RAD54B: variants seen among roughly 807,000 people sequenced by gnomAD.
RAD54B encodes RAD54 homolog B, also known as DNA repair and recombination protein RAD54B.
A neutral mutation model predicts 95.8 loss-of-function variants in RAD54B; 78 were observed. The observed-to-expected ratio is 0.81, with a 90% CI of 0.68 to 0.98. The LOEUF is 0.98. RAD54B is among the 50% of genes least tolerant of loss of function. The pLI, the probability that RAD54B is intolerant of heterozygous loss-of-function variation, is 0.00. For missense variants in RAD54B, 957 were observed against 1,056.6 expected, an observed-to-expected ratio of 0.91 and a Z score of 1.31; for synonymous variants, 328 against 354.9, an observed-to-expected ratio of 0.92 and a Z score of 0.85.
chr8:94,396,151 A>C (rs1304024122), intron 8 of RAD54B, among the ~76,000 whole-genome samples: 1 of 152,150 alleles, frequency 6.6e-6, no homozygotes, highest in African/African-American at 2.4e-5. Flanking sequence ...CCAATTGTAT[A>C]GTATAGCATC....
chr8:94,433,328 C>T (rs1426586082), intron 3 of RAD54B, among the ~76,000 whole-genome samples: 1 of 151,942 alleles, frequency 6.6e-6, no homozygotes, highest in Non-Finnish European at 1.5e-5. Context: ...GTCTTTCAAT[C>T]ACTGGTCAGG....
chr8:94,414,469 T>C (rs1811605205), intron 3 of RAD54B, among the ~76,000 whole-genome samples: 1 of 152,196 alleles, frequency 6.6e-6, no homozygotes, highest in Non-Finnish European at 1.5e-5. Flanking sequence ...GGGTTTGTCA[T>C]AGATAGCTCT....
In RAD54B at chr8:94,430,061, C is replaced by T. The variant is rs529067174; in HGVS notation, c.305-18746G>A. 1.6e-3 allele frequency: 1,537 copies of T among 977,716 alleles called. 2 individuals are homozygous for T. Among genetic ancestry groups the T allele is most frequent in the Non-Finnish European group, 1.7e-3 (1,432 of 823,044 alleles). The allele number at this position is 977,716 out of a possible 1,614,324, so 60.6% of individuals were successfully genotyped here. ...GGGCACGGTGGCTCAAGCCTGTAATCCCAGCACTTTGGGAGGCCGAGGCGG... is the reference window on the plus strand; with the variant it reads ...GGGCACGGTGGCTCAAGCCTGTAATTCCAGCACTTTGGGAGGCCGAGGCGG... On this transcript the variant is annotated intron_variant, in intron 3 of 14. Transcript: ENST00000336148.
intron 3 of RAD54B, chr8:94,431,918 A>G: frequency 8.1e-7 from 1 of 1,229,660 alleles, no homozygotes; most frequent in Non-Finnish European, 1.0e-6. Flanking sequence ...TAGGGAAAAA[A>G]AAAAGAAGAC....
intron 3 of RAD54B, among the ~76,000 whole-genome samples, chr8:94,455,971 A>G (rs1415336651): frequency 6.6e-6 from 1 of 152,206 alleles, no homozygotes; most frequent in Non-Finnish European, 1.5e-5. Flanking sequence ...GGACTTTAAC[A>G]TATATCTTTA....
At chr8:94,430,659 A>G (rs1812069176) in intron 3 of RAD54B, 1 of 711,334 alleles carries the variant, frequency 1.4e-6, no homozygotes. Context: ...CACAAAGTGG[A>G]AGCCCAATGG....
chr8:94,412,311 CT>C (rs1811548901), intron 3 of RAD54B, among the ~76,000 whole-genome samples: 1 of 151,854 alleles, frequency 6.6e-6, no homozygotes, highest in Admixed American at 6.6e-5. Flanking sequence ...ATCTTGGCTA[CT>C]GTGAAAAATA....
At chr8:94,425,411 G>A (rs542936718) in intron 3 of RAD54B, among the ~76,000 whole-genome samples, 4 of 151,620 alleles carry the variant, frequency 2.6e-5, no homozygotes, top group Non-Finnish European at 4.4e-5. Flanking sequence ...TGGCACAAAT[G>A]AAAATTTAAA....
intron 3 of RAD54B, among the ~76,000 whole-genome samples, chr8:94,438,506 C>G (rs1812324259): frequency 1.3e-5 from 2 of 152,276 alleles, no homozygotes; most frequent in African/African-American, 4.8e-5. Flanking sequence ...TACTCAAAAT[C>G]ATTCTAGCAT....
intron 3 of RAD54B, chr8:94,432,779 TA>T (rs936318996): frequency 1.1e-4 from 133 of 1,233,870 alleles, no homozygotes; most frequent in Non-Finnish European, 1.2e-4. Flanking sequence ...AGTTACAAAA[TA>T]AAAAAAAATC....
intron 3 of RAD54B, among the ~76,000 whole-genome samples, chr8:94,424,258 A>G (rs987311351): frequency 1.3e-5 from 2 of 152,218 alleles, no homozygotes; most frequent in Non-Finnish European, 2.9e-5. Context: ...TACTAGCTCT[A>G]TGACCCTATA....
rs761687745 is a variant in RAD54B at position 94,411,118 on chromosome 8, T to C, written c.499+3A>G. On this transcript the variant is annotated splice_donor_region_variant and intron_variant, in intron 4 of 14. Transcript: ENST00000336148. ...CTGTAAACATTAGGTAGTATCATAATACCTCTTCCAATGTCTTTGCCTTCC... is the reference window on the plus strand; with the variant it reads ...CTGTAAACATTAGGTAGTATCATAACACCTCTTCCAATGTCTTTGCCTTCC... 1.0e-5 allele frequency: 16 copies of C among 1,595,884 alleles called. No homozygotes were observed. In the East Asian group the frequency reaches 3.1e-4, roughly 31 times the overall value.
Position 94,391,910 on chromosome 8 carries a change from A to C in RAD54B, c.1519-11T>G, listed in dbSNP as rs1811033500. Reference sequence around the variant, plus strand: ...TAACTCCTTTTCTTCCTATGGAAAAATAGCAGACTTAAATGAAAGTGTTAT... The same window carrying C: ...TAACTCCTTTTCTTCCTATGGAAAACTAGCAGACTTAAATGAAAGTGTTAT... On this transcript the variant is annotated splice_polypyrimidine_tract_variant and intron_variant, in intron 9 of 14. Coordinates refer to ENST00000336148, the MANE Select transcript of RAD54B (RefSeq NM_012415.3). The C allele has an allele frequency of 3.8e-6, 6 of 1,587,112 alleles. No individual in the cohort carries two copies. The highest frequency in any genetic ancestry group is 5.1e-6 in the Non-Finnish European group (6 of 1,170,758).
At chr8:94,398,128 C>T (rs2470736) in intron 8 of RAD54B, among the ~76,000 whole-genome samples, 133,701 of 152,036 alleles carry the variant, frequency 0.88, 59,669 homozygotes, top group Non-Finnish European at 0.96. Context: ...TTCACTATTA[C>T]TGACAAACAT....
At chr8:94,372,719 C>A (rs2515101) in intron 14 of RAD54B, among the ~76,000 whole-genome samples, 2 of 152,100 alleles carry the variant, frequency 1.3e-5, no homozygotes, top group East Asian at 3.9e-4. Context: ...TGTGGGGCCA[C>A]GTTTACAAAT....
At chr8:94,458,203 T>A (rs939226153) in intron 3 of RAD54B, 65 bp downstream of exon 3, 212 of 1,354,612 alleles carry the variant, frequency 1.6e-4, no homozygotes, top group Non-Finnish European at 2.0e-4. Context: ...TCTTAAAACA[T>A]CATTTAAAGA....
intron 14 of RAD54B, among the ~76,000 whole-genome samples, chr8:94,377,596 C>T (rs1014102656): frequency 1.4e-5 from 2 of 140,514 alleles, no homozygotes; most frequent in Non-Finnish European, 3.1e-5. Context: ...AACTCCAAAG[C>T]CATTACACCA....
intron 14 of RAD54B, among the ~76,000 whole-genome samples, chr8:94,375,924 G>A (rs1810557061): frequency 1.3e-5 from 2 of 151,882 alleles, no homozygotes; most frequent in Admixed American, 1.3e-4. Context: ...AGAGTAGGAG[G>A]TAGAGTAGGA....
chr8:94,424,513 T>G (rs1811895578), intron 3 of RAD54B, among the ~76,000 whole-genome samples: 1 of 152,116 alleles, frequency 6.6e-6, no homozygotes, highest in South Asian at 2.1e-4. Flanking sequence ...GGTGAATAAT[T>G]CCAAAAGGTA....
Sources: gnomAD v4.1 joint callset for allele counts (sites outside exome capture counted in the v4.1 genomes callset) on GRCh38, gnomAD v4.1.1 for gene constraint, MANE v1.5 for transcripts, NCBI Gene and HGNC (gene_info 2026-07-23, HGNC 2026-07-21) for gene names.